EPHX3: variants seen among roughly 807,000 people sequenced by gnomAD.
The protein encoded by EPHX3 is epoxide hydrolase 3.
EPHX3 carries 39 observed loss-of-function variants against 40.2 expected under a neutral mutation model. The ratio of observed to expected loss-of-function variants is 0.97; its 90% confidence interval spans 0.75 to 1.27. EPHX3 has a LOEUF of 1.27. EPHX3 is among the 50% of genes most tolerant of loss of function. The pLI, the probability that EPHX3 is intolerant of heterozygous loss-of-function variation, is 0.00. For missense variants in EPHX3, 442 were observed against 474.0 expected (o/e 0.93, Z 0.63); for synonymous variants, 213 against 209.7 (o/e 1.02, Z -0.14).
intron 4 of EPHX3, among the ~76,000 whole-genome samples, chr19:15,228,814 C>A (rs1026676285): frequency 1.3e-5 from 2 of 151,730 alleles, no homozygotes; most frequent in South Asian, 4.2e-4. Context: ...CCACCGCACC[C>A]GGCCTCCAAA....
rs762707617 is a variant in EPHX3, at chr19:15,231,315, C to T, written c.411G>A (p.Ser137=). 2.3e-5 allele frequency: 37 copies of T among 1,613,780 alleles called. No homozygotes were observed. Among genetic ancestry groups the T allele is most frequent in the South Asian group, 2.2e-5 (2 of 91,082 alleles). The change falls in exon 3 of 7, where the codon TCG becomes TCA. Residue 137 remains serine, a synonymous_variant. Transcript: ENST00000221730. The part of the protein sequence containing the change: ...VAVDLRGYGP[S]DAPRDVDCYT... Reference sequence around the variant, plus strand: ...AGCAGTCCACATCCCGAGGTGCATCCGAGGGGCCATAGCCTCGCAAGTCCA... The same window carrying T: ...AGCAGTCCACATCCCGAGGTGCATCTGAGGGGCCATAGCCTCGCAAGTCCA...
Position 15,227,910 on chromosome 19 carries a change from A to G in EPHX3, c.721-3T>C, listed in dbSNP as rs1443807034. 6.2e-7 allele frequency: 1 copy of G among 1,614,058 alleles called. No homozygotes were observed. The highest frequency in any genetic ancestry group is 1.1e-5 in the South Asian group (1 of 91,082). The stretch of plus-strand genomic sequence containing the variant: ...TGGGTGAGGGTGGTCTTCAGAATCT[A>G]GGTACACAGCAGGACTCTGGCTTCA... On this transcript the variant is annotated splice_polypyrimidine_tract_variant and splice_region_variant and intron_variant, in intron 5 of 6. Transcript: ENST00000221730.
In EPHX3 at chr19:15,231,878, G is replaced by A. The variant is rs370837706; in HGVS notation, c.244-17C>T. On this transcript the variant is annotated splice_polypyrimidine_tract_variant and intron_variant, in intron 1 of 6. Transcript: ENST00000221730. ...GCCCGAGCTCTAGGGGGAGGGCACAGCCTGAAGCCTGGGGAACCCTCTCTC... is the reference window on the plus strand; with the variant it reads ...GCCCGAGCTCTAGGGGGAGGGCACAACCTGAAGCCTGGGGAACCCTCTCTC... 8.3e-4 allele frequency: 1,340 copies of A among 1,613,474 alleles called. 20 individuals carry two copies. In the South Asian group the frequency reaches 0.011, roughly 13 times the overall value.
In EPHX3 at chr19:15,227,184, A is replaced by C; in HGVS notation, c.*253T>G. On this transcript the variant is annotated 3_prime_UTR_variant, in exon 7 of 7. Coordinates refer to ENST00000221730, the MANE Select transcript of EPHX3 (RefSeq NM_024794.3). ...TCGGCATCTGGCTCCACTGGAAGAG[A>C]GGTATACCCAGTTCCCAGGGTCAAA... The C allele has an allele frequency of 4.1e-6, 2 of 486,486 alleles. No homozygotes were observed. The highest frequency in any genetic ancestry group is 7.4e-6 in the Non-Finnish European group (2 of 271,130). 30.1% of individuals were successfully genotyped at this position (486,486 alleles called of 1,614,324 possible).
upstream of EPHX3, chr19:15,235,507 A>G (rs2145490319): frequency 6.6e-6 from 1 of 151,380 alleles, no homozygotes; most frequent in Non-Finnish European, 1.5e-5. Context: ...AAAAGCAGCC[A>G]TCACAGGAGA....
chr19:15,232,398 A>G lies in EPHX3; in HGVS notation c.-187T>C. 1 of 1,363,178 alleles carries G rather than the reference A, an allele frequency of 7.3e-7. No homozygotes were observed. Among genetic ancestry groups the G allele is most frequent in the South Asian group, 1.7e-5 (1 of 57,670 alleles). 84.4% of individuals were successfully genotyped at this position (1,363,178 alleles called of 1,614,324 possible). A position where few individuals can be genotyped will look rare whatever the true frequency, so the allele number is the denominator to read the frequency against. The stretch of plus-strand genomic sequence containing the variant: ...AGAAAACAGCCAGAGCGCACCACTC[A>G]CCTGAGTGCCAGGTAAACACCTGGG... On this transcript the variant is annotated 5_prime_UTR_variant, in exon 1 of 7. Transcript: ENST00000221730.
At position 15,232,017 on chromosome 19, in the gene EPHX3, G is replaced by C. The variant is rs1349349692; in HGVS notation, c.195C>G (p.Ala65=). 6.2e-7 allele frequency: 1 copy of C among 1,600,264 alleles called. No individual in the cohort carries two copies. Among genetic ancestry groups the C allele is most frequent in the African/African-American group, 1.3e-5 (1 of 74,938 alleles). The part of the protein sequence containing the change: ...CCGRRRSASP[A]CLSDPSLGEH... ...CACCCAGCGAGGGGTCGCTCAGGCA[G>C]GCGGGGGACGCGCTCCGACGGCGCC... Residue 65 remains alanine (A), a synonymous_variant, in exon 1 of 7, where the codon GCC becomes GCG. Transcript: ENST00000221730.
Position 15,231,794 on chromosome 19 carries a change from T to C in EPHX3, c.311A>G (p.His104Arg). ...RGNGPLMLFL[H>R]GFPENWFSWR... ...GACGTACCAGTTCTCAGGGAAGCCG[T>C]GCAGAAACAGCATGAGGGGTCCGTT... The change falls in exon 2 of 7, where the codon CAC (histidine) becomes CGC (arginine). Residue 104 changes from histidine to arginine, a missense_variant. By Grantham distance (29) the His-to-Arg change is conservative (BLOSUM62 0). Coordinates refer to ENST00000221730, the MANE Select transcript of EPHX3 (RefSeq NM_024794.3). 1 of 1,613,908 alleles carries C rather than the reference T, an allele frequency of 6.2e-7. No individual in the cohort carries two copies. Among genetic ancestry groups the C allele is most frequent in the Non-Finnish European group, 8.5e-7 (1 of 1,180,008 alleles).
At chr19:15,233,933 G>A (rs2047172871), upstream of EPHX3, among the ~76,000 whole-genome samples, 1 of 152,092 alleles carries the variant, frequency 6.6e-6, no homozygotes, top group African/African-American at 2.4e-5. Flanking sequence ...GGTGGCGGGC[G>A]CCTGTAGTCC....
Position 15,231,917 on chromosome 19 carries a change from C to T in EPHX3, c.243+52G>A, listed in dbSNP as rs149949720. 1.1e-4 allele frequency: 184 copies of T among 1,612,746 alleles called. No individual in the cohort carries two copies. In the African/African-American group the frequency reaches 2.0e-3, roughly 18 times the overall value. ...GAACCCTCTCTCCCGAGGCTTGAAC[C>T]GTCTCGACCCCACGCGACCCCGCAG... On this transcript the variant is annotated intron_variant, in intron 1 of 6. Transcript: ENST00000221730.
Position 15,232,180 on chromosome 19 carries a change from G to T in EPHX3, c.32C>A (p.Ala11Glu), listed in dbSNP as rs1205140591. The T allele has an allele frequency of 2.6e-6, 4 of 1,522,114 alleles. No homozygotes were observed. In the Admixed American group the frequency reaches 8.0e-5, roughly 31 times the overall value. 94.3% of individuals were successfully genotyped at this position (1,522,114 alleles called of 1,614,324 possible). A position where few individuals can be genotyped will look rare whatever the true frequency, so the allele number is the denominator to read the frequency against. Reference sequence around the variant, plus strand: ...CAGCTTCAGCGACAGGCGCGACGGCGCCAGCAGCGCGGTCACCACCAGCTC... The same window carrying T: ...CAGCTTCAGCGACAGGCGCGACGGCTCCAGCAGCGCGGTCACCACCAGCTC... MPELVVTALL[A>E]PSRLSLKLLR... Residue 11 changes from alanine to glutamate, a missense_variant, in exon 1 of 7, where the codon GCG (alanine) becomes GAG (glutamate). Transcript: ENST00000221730.
At chr19:15,233,311 TCGGGAGGCCCGGC>T (rs1045602900), upstream of EPHX3, 2 of 152,434 alleles carry the variant, frequency 1.3e-5, no homozygotes, top group Non-Finnish European at 2.9e-5. Context: ...GGAGGAGGCT[TCGGGAGGCCCGGC>T]CGACGGCCGC....
At chr19:15,229,578 T>G (rs1599419519) in intron 4 of EPHX3, among the ~76,000 whole-genome samples, 22 of 112,522 alleles carry the variant, frequency 2.0e-4, no homozygotes, top group African/African-American at 3.9e-4. Context: ...CTGCACAGAG[T>G]GAGACTCCAT....
At chr19:15,231,111 C>T (rs201984223) in intron 3 of EPHX3, 21 bp from the exon 4 acceptor site, 173 of 1,613,584 alleles carry the variant, frequency 1.1e-4, no homozygotes, top group Non-Finnish European at 1.4e-4. Flanking sequence ...TCAAGGAGCT[C>T]GCATAAGTGA....
upstream of EPHX3, among the ~76,000 whole-genome samples, chr19:15,235,175 G>A (rs1042480046): frequency 1.3e-5 from 2 of 151,864 alleles, no homozygotes; most frequent in African/African-American, 4.8e-5. Context: ...CTAATTTTTT[G>A]TATTTTTCAG....
Position 15,232,412 on chromosome 19 carries a change from TAA to T in EPHX3, c.-203_-202del. Reference sequence around the variant, plus strand: ...GCGCACCACTCACCTGAGTGCCAGGTAAACACCTGGGCGCGACAGGGACAGGA... The same window carrying T: ...GCGCACCACTCACCTGAGTGCCAGGTACACCTGGGCGCGACAGGGACAGGA... On this transcript the variant is annotated 5_prime_UTR_variant, in exon 1 of 7. Coordinates refer to ENST00000221730, the MANE Select transcript of EPHX3 (RefSeq NM_024794.3). The T allele has an allele frequency of 7.4e-7, 1 of 1,352,616 alleles. No individual in the cohort carries two copies. Among genetic ancestry groups the T allele is most frequent in the South Asian group, 1.8e-5 (1 of 55,858 alleles). The allele number at this position is 1,352,616 out of a possible 1,614,324, so 83.8% of individuals were successfully genotyped here. A position where few individuals can be genotyped will look rare whatever the true frequency, so the allele number is the denominator to read the frequency against.
In EPHX3 at chr19:15,231,282, G is replaced by A. The variant is rs181026961; in HGVS notation, c.444C>T (p.Ile148=). ...CTTTGATGTCCACCAGCAGCAGGTC[G>A]ATTGTGTAGCAGTCCACATCCCGAG... ...DAPRDVDCYT[I]DLLLVDIKDV... The change falls in exon 3 of 7, where the codon ATC becomes ATT. Residue 148 remains isoleucine (I), a synonymous_variant. Transcript: ENST00000221730. 38 of 1,613,970 alleles carry A rather than the reference G, an allele frequency of 2.4e-5. No individual in the cohort carries two copies. In the East Asian group the frequency reaches 6.7e-4, roughly 28 times the overall value.
Position 15,227,341 on chromosome 19 carries a change from T to C in EPHX3, c.*96A>G, listed in dbSNP as rs544496378. 1.6e-5 allele frequency: 16 copies of C among 1,013,474 alleles called. No homozygotes were observed. In the African/African-American group the frequency reaches 1.9e-4, roughly 12 times the overall value. 62.8% of individuals were successfully genotyped at this position (1,013,474 alleles called of 1,614,324 possible). ...TATGAGCGATTCAAGAGTTCACCCA[T>C]GTATGGACATTGTATGGACTCCCAG... is the stretch of plus-strand genomic sequence containing the variant. On this transcript the variant is annotated 3_prime_UTR_variant, in exon 7 of 7. Transcript: ENST00000221730.
intron 4 of EPHX3, among the ~76,000 whole-genome samples, chr19:15,229,885 CAAAAAAAAA>C (rs546876108): frequency 8.5e-4 from 8 of 9,370 alleles, no homozygotes; most frequent in East Asian, 5.2e-3. Context: ...GACTCTGTCT[CAAAAAAAAA>C]AAAAAAAAAA....
Sources: gnomAD v4.1 joint callset for allele counts (sites outside exome capture counted in the v4.1 genomes callset) on GRCh38, gnomAD v4.1.1 for gene constraint, MANE v1.5 for transcripts, NCBI Gene and HGNC (gene_info 2026-07-23, HGNC 2026-07-21) for gene names.